Variants in FANCI observed in about 807,000 individuals in gnomAD.
FANCI encodes Fanconi anemia group I protein.
Under a neutral mutation model 176.1 loss-of-function variants are expected in FANCI, and 156 were observed. The observed-to-expected ratio is 0.89, with a 90% CI of 0.78 to 1.01. FANCI has a LOEUF of 1.01. Ranked by LOEUF, FANCI falls within the 50% of genes least tolerant of loss-of-function variation. FANCI has a pLI of 0.00. For synonymous variants in FANCI, 613 were observed against 541.7 expected, an observed-to-expected ratio of 1.13 and a Z score of -1.83; for missense variants, 1,678 against 1,534.1, an observed-to-expected ratio of 1.09 and a Z score of -1.57.
At chr15:89,312,861 G>C (rs966687728) in intron 34 of FANCI, 43 bp from the exon 35 acceptor site, 5 of 1,490,610 alleles carry the variant, frequency 3.4e-6, no homozygotes, top group Non-Finnish European at 3.7e-6. Flanking sequence ...TAGCTCCACA[G>C]AAAAATCATC....
Position 89,290,275 on chromosome 15 carries a change from C to G in FANCI, c.1884C>G (p.Leu628=). ...QLANSVMQTL[L]SQLKQFYEPK... is the part of the protein sequence containing the mutation. ...CTAATTCAGTCATGCAAACTCTGCT[C>G]TCACAGGTAAAATACATTTTTATGG... Residue 628 remains leucine (L), a synonymous_variant, in exon 19 of 38, where the codon CTC becomes CTG. Transcript: ENST00000310775. 6.2e-7 allele frequency: 1 copy of G among 1,612,336 alleles called. No homozygotes were observed. The highest frequency in any genetic ancestry group is 8.5e-7 in the Non-Finnish European group (1 of 1,178,390).
chr15:89,257,563 CCT>C (rs1239042909), intron 2 of FANCI, among the ~76,000 whole-genome samples: 6 of 152,130 alleles, frequency 3.9e-5, no homozygotes, highest in Admixed American at 2.0e-4. Context: ...TGACATTCCC[CCT>C]GTTTGTGTTT....
At chr15:89,308,532 C>T (rs2054819061) in intron 34 of FANCI, among the ~76,000 whole-genome samples, 1 of 152,174 alleles carries the variant, frequency 6.6e-6, no homozygotes, top group Non-Finnish European at 1.5e-5. Flanking sequence ...GGATCGTGAC[C>T]ACTTTGGTAG....
At chr15:89,302,608 C>G (rs2054566364) in intron 27 of FANCI, among the ~76,000 whole-genome samples, 1 of 150,420 alleles carries the variant, frequency 6.6e-6, no homozygotes, top group African/African-American at 2.5e-5. Context: ...GAGTCTCGCT[C>G]TGTCTCCCAG....
intron 22 of FANCI, 68 bp from the exon 23 acceptor site, chr15:89,293,765 T>G: frequency 7.2e-7 from 1 of 1,394,052 alleles, no homozygotes; most frequent in South Asian, 1.2e-5. Flanking sequence ...GTGATTATTA[T>G]CATATGTAAA....
At chr15:89,316,321 T>G in intron 37 of FANCI, 76 bp from the exon 38 acceptor site, 1 of 1,445,964 alleles carries the variant, frequency 6.9e-7, no homozygotes, top group Non-Finnish European at 9.5e-7. Context: ...GATAGAGTCT[T>G]TTTTTTCCTT....
Position 89,282,996 on chromosome 15 carries a change from C to T in FANCI, c.1584-140C>T, listed in dbSNP as rs76341915. On this transcript the variant is annotated intron_variant, in intron 16 of 37. Transcript: ENST00000310775. Reference sequence around the variant, plus strand: ...AACAGCTGATACCTTATTTTGAGTACATAAATTCACTTTGTTTTGCTCTAC... The same window carrying T: ...AACAGCTGATACCTTATTTTGAGTATATAAATTCACTTTGTTTTGCTCTAC... 9 of 824,264 alleles carry T rather than the reference C, an allele frequency of 1.1e-5. No individual in the cohort carries two copies. The Admixed American group carries it at 1.2e-4, about 11-fold the overall frequency. 51.1% of individuals were successfully genotyped at this position (824,264 alleles called of 1,614,324 possible). A position where few individuals can be genotyped will look rare whatever the true frequency, so the allele number is the denominator to read the frequency against.
At position 89,247,698 on chromosome 15, in the gene FANCI, G is replaced by T. The variant is rs1352510478; in HGVS notation, c.51G>T (p.Leu17=). Residue 17 remains leucine, a synonymous_variant, in exon 2 of 38, where the codon CTG becomes CTT. Transcript: ENST00000310775. ...CAGCAGAAAAAACAGCAGACAAACT[G>T]CAAGAATTTCTTCAAACCCTGAGAG... ...SLAAEKTADK[L]QEFLQTLREG... is the part of the protein sequence containing the mutation. 3 of 1,613,972 alleles carry T rather than the reference G, an allele frequency of 1.9e-6. No individual in the cohort carries two copies. Among genetic ancestry groups the T allele is most frequent in the Non-Finnish European group, 2.5e-6 (3 of 1,179,944 alleles).
chr15:89,316,367 C>T (rs771059114), intron 37 of FANCI, 30 bp from the exon 38 acceptor site: 24 of 1,597,954 alleles, frequency 1.5e-5, no homozygotes, highest in Admixed American at 6.8e-5. Flanking sequence ...AGGTTTATCA[C>T]GTTAGAGCAT....
chr15:89,273,668 G>T (rs1596269603), intron 11 of FANCI, among the ~76,000 whole-genome samples, 199 bp downstream of exon 11: 1 of 152,208 alleles, frequency 6.6e-6, no homozygotes, highest in East Asian at 1.9e-4. Flanking sequence ...ACAGGTTTTT[G>T]GTTTATTCCT....
intron 11 of FANCI, 138 bp from the exon 12 acceptor site, chr15:89,274,030 A>C (rs1357831442): frequency 6.0e-6 from 4 of 664,808 alleles, no homozygotes; most frequent in Non-Finnish European, 9.9e-6. Flanking sequence ...ATGGCAGCTC[A>C]TAGGAACAGT....
chr15:89,279,595 G>T (rs2053538225), intron 14 of FANCI, among the ~76,000 whole-genome samples: 1 of 152,112 alleles, frequency 6.6e-6, no homozygotes, highest in Non-Finnish European at 1.5e-5. Flanking sequence ...TCTGATTACT[G>T]TAAGAGTCTG....
At chr15:89,273,330 A>G (rs745489708) in intron 10 of FANCI, 47 bp from the exon 11 acceptor site, 1 of 994,762 alleles carries the variant, frequency 1.0e-6, no homozygotes. Context: ...AAAAAAAGAA[A>G]AAAGAAAATG....
At chr15:89,261,503 C>T (rs960022945) in intron 4 of FANCI, 82 bp from the exon 5 acceptor site, 7 of 1,556,168 alleles carry the variant, frequency 4.5e-6, no homozygotes, top group Non-Finnish European at 6.2e-6. Context: ...TCATTTATTT[C>T]AGCAAAAGAC....
intron 36 of FANCI, 127 bp downstream of exon 36, chr15:89,314,834 T>A (rs878973012): frequency 5.4e-5 from 19 of 350,534 alleles, no homozygotes; most frequent in East Asian, 1.4e-4. Flanking sequence ...CCATCCCCCC[T>A]CTCCCCCCCC....
chr15:89,275,632 G>A (rs1162850350), intron 12 of FANCI, among the ~76,000 whole-genome samples: 1 of 152,078 alleles, frequency 6.6e-6, no homozygotes, highest in Non-Finnish European at 1.5e-5. Context: ...TTTAATCTTT[G>A]TATCTCATTA....
At chr15:89,309,439 T>G (rs971472952) in intron 34 of FANCI, among the ~76,000 whole-genome samples, 1 of 151,908 alleles carries the variant, frequency 6.6e-6, no homozygotes, top group African/African-American at 2.4e-5. Context: ...TAGAGATTCG[T>G]GGTGTCCATT....
chr15:89,288,305 C>T (rs1432069383), intron 18 of FANCI, among the ~76,000 whole-genome samples: 1 of 152,080 alleles, frequency 6.6e-6, no homozygotes, highest in Non-Finnish European at 1.5e-5. Context: ...TGTGTTAACT[C>T]TTGTGCAGTC....
intron 35 of FANCI, among the ~76,000 whole-genome samples, chr15:89,314,345 G>C (rs1471421187): frequency 1.3e-5 from 2 of 152,220 alleles, no homozygotes; most frequent in Non-Finnish European, 2.9e-5. Flanking sequence ...ATTTCTACAA[G>C]TGATCCTGCC....
Sources: gnomAD v4.1 joint callset for allele counts (sites outside exome capture counted in the v4.1 genomes callset) on GRCh38, gnomAD v4.1.1 for gene constraint, MANE v1.5 for transcripts, NCBI Gene and HGNC (gene_info 2026-07-23, HGNC 2026-07-21) for gene names.